The following KCTD8 variants were observed in gnomAD, a reference collection of about 807,000 sequenced individuals.
KCTD8 encodes BTB/POZ domain-containing protein KCTD8.
Under a neutral mutation model 31.5 loss-of-function variants are expected in KCTD8, and 27 were observed. The observed-to-expected ratio is 0.86, with a 90% confidence interval of 0.63 to 1.18. KCTD8 has a LOEUF of 1.18. Ranked by LOEUF, KCTD8 falls within the 50% of genes most tolerant of loss-of-function variation. The pLI, the probability that KCTD8 is intolerant of heterozygous loss-of-function variation, is 0.00. For missense variants in KCTD8, 658 were observed against 647.7 expected (o/e 1.02, Z -0.17); for synonymous variants, 290 against 280.0 (o/e 1.04, Z -0.36).
intron 1 of KCTD8, among the ~76,000 whole-genome samples, chr4:44,198,087 A>C (rs1714000055): frequency 1.3e-5 from 2 of 152,206 alleles, no homozygotes; most frequent in South Asian, 4.1e-4. Context: ...AAATCAACTC[A>C]GTCAGACAAA....
intron 1 of KCTD8, among the ~76,000 whole-genome samples, chr4:44,184,640 C>G (rs67524589): frequency 0.12 from 18,531 of 152,196 alleles, 1,461 homozygotes; most frequent in East Asian, 0.36. Flanking sequence ...TTTCTATTCT[C>G]TCATGGTGCC....
intron 1 of KCTD8, among the ~76,000 whole-genome samples, chr4:44,257,619 G>C (rs887399195): frequency 6.6e-6 from 1 of 151,818 alleles, no homozygotes; most frequent in African/African-American, 2.4e-5. Context: ...AGTACTTTTA[G>C]CTATAGTCAC....
At chr4:44,182,148 C>G (rs983563423) in intron 1 of KCTD8, among the ~76,000 whole-genome samples, 5 of 151,228 alleles carry the variant, frequency 3.3e-5, no homozygotes, top group Non-Finnish European at 1.5e-5. Flanking sequence ...CCCGGCCAGC[C>G]GCCCCGTCCG....
Position 44,247,754 on chromosome 4 carries a change from C to T in KCTD8, c.962-72504G>A, listed in dbSNP as rs912237042. Among the ~76,000 whole-genome samples the T allele has an allele frequency of 2.6e-5, 4 of 151,894 alleles. 1 individual carries two copies. The highest frequency in any genetic ancestry group is 3.4e-3 in the Middle Eastern group (1 of 294). On this transcript the variant is annotated intron_variant, in intron 1 of 1. Transcript: ENST00000360029. ...ATAGGCTTACTTCACTTAGAATGAA[C>T]TTGTCCTCCAAGTTCATTCATGTTG...
chr4:44,181,075 A>G (rs1162290297), intron 1 of KCTD8, among the ~76,000 whole-genome samples: 1 of 152,038 alleles, frequency 6.6e-6, no homozygotes, highest in Non-Finnish European at 1.5e-5. Flanking sequence ...ATTGCCAGCA[A>G]AAAGAATGAT....
intron 1 of KCTD8, among the ~76,000 whole-genome samples, chr4:44,217,272 T>TA (rs2109346238): frequency 6.6e-6 from 1 of 152,218 alleles, no homozygotes; most frequent in South Asian, 2.1e-4. Flanking sequence ...ACGCTTGGGA[T>TA]AAAAATAAAG....
At chr4:44,253,067 T>A (rs2109362249) in intron 1 of KCTD8, among the ~76,000 whole-genome samples, 1 of 151,916 alleles carries the variant, frequency 6.6e-6, no homozygotes, top group East Asian at 1.9e-4. Flanking sequence ...ATATTGTAAC[T>A]AAGTTATTCA....
At chr4:44,268,979 A>G (rs921310809) in intron 1 of KCTD8, among the ~76,000 whole-genome samples, 5 of 152,098 alleles carry the variant, frequency 3.3e-5, no homozygotes, top group African/African-American at 1.2e-4. Context: ...GGTAATTTAT[A>G]GATTCAATGC....
At chr4:44,368,839 T>C (rs991780954) in intron 1 of KCTD8, among the ~76,000 whole-genome samples, 6 of 152,342 alleles carry the variant, frequency 3.9e-5, no homozygotes, top group Non-Finnish European at 5.9e-5. Context: ...TTAAAGTTTC[T>C]ATAATCATTA....
chr4:44,216,250 G>A (rs2109345822), intron 1 of KCTD8, among the ~76,000 whole-genome samples: 1 of 152,202 alleles, frequency 6.6e-6, no homozygotes, highest in East Asian at 1.9e-4. Flanking sequence ...AGATATGGGT[G>A]GGTATGTTCA....
intron 1 of KCTD8, among the ~76,000 whole-genome samples, chr4:44,245,537 T>G (rs938056980): frequency 6.6e-6 from 1 of 151,130 alleles, no homozygotes; most frequent in African/African-American, 2.5e-5. Context: ...TATAAATTTT[T>G]TCTTTAATTT....
intron 1 of KCTD8, among the ~76,000 whole-genome samples, chr4:44,299,321 C>T (rs376037385): frequency 2.6e-5 from 4 of 152,178 alleles, no homozygotes; most frequent in African/African-American, 4.8e-5. Flanking sequence ...TTTCTACCCA[C>T]CCACCAAGCC....
At chr4:44,215,115 C>A (rs187008164) in intron 1 of KCTD8, among the ~76,000 whole-genome samples, 5 of 152,214 alleles carry the variant, frequency 3.3e-5, no homozygotes, top group Non-Finnish European at 7.4e-5. Context: ...CCTTACCCAC[C>A]AAATTATCTT....
At chr4:44,293,528 G>C (rs1203074562) in intron 1 of KCTD8, 1 of 431,352 alleles carries the variant, frequency 2.3e-6, no homozygotes, top group Admixed American at 2.9e-5. Context: ...GCAGCACACA[G>C]AGGACACAAA....
At chr4:44,236,770 T>C (rs1715300592) in intron 1 of KCTD8, among the ~76,000 whole-genome samples, 2 of 152,142 alleles carry the variant, frequency 1.3e-5, no homozygotes, top group African/African-American at 4.8e-5. Context: ...CTTACTCAAA[T>C]CTCATCTTGA....
chr4:44,217,260 A>G (rs1714675507), intron 1 of KCTD8, among the ~76,000 whole-genome samples: 1 of 152,164 alleles, frequency 6.6e-6, no homozygotes, highest in African/African-American at 2.4e-5. Context: ...AGAATATCTA[A>G]GACGCTTGGG....
chr4:44,186,793 C>T (rs562478207), intron 1 of KCTD8, among the ~76,000 whole-genome samples: 17 of 152,320 alleles, frequency 1.1e-4, no homozygotes, highest in Non-Finnish European at 1.9e-4. Flanking sequence ...CTTGGTATTT[C>T]CTGAAGCATC....
At chr4:44,307,803 T>C (rs1269770477) in intron 1 of KCTD8, among the ~76,000 whole-genome samples, 1 of 151,896 alleles carries the variant, frequency 6.6e-6, no homozygotes, top group Non-Finnish European at 1.5e-5. Context: ...ACATAACTCT[T>C]TTTCCGCAAA....
At chr4:44,263,163 T>C (rs547420693) in intron 1 of KCTD8, among the ~76,000 whole-genome samples, 1 of 152,282 alleles carries the variant, frequency 6.6e-6, no homozygotes, top group East Asian at 1.9e-4. Context: ...TTTTATAATC[T>C]TCATTTTGTC....
Sources: allele counts gnomAD v4.1 joint callset (sites outside exome capture counted in the v4.1 genomes callset), GRCh38; gene constraint gnomAD v4.1.1; transcripts MANE v1.5; gene names NCBI Gene and HGNC (gene_info 2026-07-23, HGNC 2026-07-21).